DNAH11: variants seen among roughly 807,000 people sequenced by gnomAD.
DNAH11 encodes dynein axonemal heavy chain 11.
In DNAH11, 442 loss-of-function variants were observed where a neutral mutation model predicts 526.0. The ratio of observed to expected loss-of-function variants is 0.84; its 90% CI spans 0.78 to 0.91. The LOEUF (loss-of-function observed/expected upper bound fraction) is 0.91. Ranked by LOEUF, DNAH11 falls within the 40% of genes least tolerant of loss-of-function variation. The probability of loss-of-function intolerance (pLI) is 0.00; values close to 1 mark genes in which losing one functional copy is unlikely to be tolerated. For missense variants in DNAH11, 6,989 were observed against 5,448.7 expected (o/e 1.28, Z -8.90); for synonymous variants, 2,461 against 1,935.9 (o/e 1.27, Z -7.12).
At chr7:21,828,319 G>A (rs567732818) in intron 65 of DNAH11, among the ~76,000 whole-genome samples, 6 of 152,264 alleles carry the variant, frequency 3.9e-5, no homozygotes, top group African/African-American at 1.4e-4. Flanking sequence ...GGTAAGAATA[G>A]ATTTATTTTC....
chr7:21,589,108 T>C (rs1194779456), intron 11 of DNAH11, 100 bp from the exon 12 acceptor site: 4 of 888,072 alleles, frequency 4.5e-6, no homozygotes, highest in Admixed American at 3.8e-5. Context: ...CCTGGTTGTT[T>C]ATAGTGTATT....
At chr7:21,565,295 G>T (rs570375571) in intron 6 of DNAH11, among the ~76,000 whole-genome samples, 3 of 152,208 alleles carry the variant, frequency 2.0e-5, no homozygotes, top group African/African-American at 7.2e-5. Flanking sequence ...GTCGGATTAA[G>T]GCCCCATCTT....
rs139681226 is a variant in DNAH11 at position 21,829,987 on chromosome 7, G to A, written c.10691+11648G>A. Among the ~76,000 whole-genome samples the A allele has an allele frequency of 7.9e-5, 12 of 152,286 alleles. No individual in the cohort carries two copies. In the East Asian group the frequency reaches 1.9e-3, roughly 24 times the overall value. ...TATCTTCCAACAGTAACGACTTTCC[G>A]TGATTTGAAGAAGTTAGACGTCTTT... On this transcript the variant is annotated intron_variant, in intron 65 of 81. Transcript: ENST00000409508.
chr7:21,771,974 T>C (rs936951056), intron 55 of DNAH11, among the ~76,000 whole-genome samples: 12 of 152,346 alleles, frequency 7.9e-5, no homozygotes, highest in African/African-American at 2.9e-4. Context: ...CAGCTGTTAA[T>C]GTCAGGAAGT....
chr7:21,690,844 C>T lies in DNAH11; in HGVS notation c.6004C>T (p.Arg2002Ter), dbSNP rs373844629. 19 of 1,612,462 alleles carry T rather than the reference C, an allele frequency of 1.2e-5. No individual in the cohort carries two copies. Among genetic ancestry groups the T allele is most frequent in the Non-Finnish European group, 1.5e-5 (18 of 1,179,418 alleles). ...FITMNPGYAG[R>*]TELPENLKAL... Reference sequence around the variant, plus strand: ...TACTATGAACCCGGGTTATGCTGGTCGAACCGAATTACCGGAAAATCTCAA... The same window carrying T: ...TACTATGAACCCGGGTTATGCTGGTTGAACCGAATTACCGGAAAATCTCAA... The change falls in exon 35 of 82, where the codon CGA (arginine) becomes TGA (stop). Residue 2002 changes from arginine (R) to a stop codon, truncating the protein, a stop_gained. Coordinates refer to ENST00000409508, the MANE Select transcript of DNAH11 (RefSeq NM_001277115.2). LOFTEE classifies it high-confidence loss of function.
intron 52 of DNAH11, 86 bp downstream of exon 52, chr7:21,748,828 C>G: frequency 1.4e-6 from 2 of 1,407,024 alleles, no homozygotes; most frequent in Non-Finnish European, 1.9e-6. Context: ...TGGGCTGTGA[C>G]TCCCAGATTT....
rs1783436322 is a variant in DNAH11, at chr7:21,687,603, C to T, written c.5924+76C>T. Reference sequence around the variant, plus strand: ...ATGCAGGTAACCTCCCCTTCACTGTCTATTGCTACCTCTCCCTGTCTCATG... The same window carrying T: ...ATGCAGGTAACCTCCCCTTCACTGTTTATTGCTACCTCTCCCTGTCTCATG... On this transcript the variant is annotated intron_variant, in intron 34 of 81. Coordinates refer to ENST00000409508, the MANE Select transcript of DNAH11 (RefSeq NM_001277115.2). The T allele has an allele frequency of 2.7e-6, 4 of 1,478,586 alleles. No individual in the cohort carries two copies. In the South Asian group the frequency reaches 5.2e-5, roughly 19 times the overall value. 91.6% of individuals were successfully genotyped at this position (1,478,586 alleles called of 1,614,324 possible).
At chr7:21,760,636 A>G (rs139448519) in intron 54 of DNAH11, among the ~76,000 whole-genome samples, 3 of 152,308 alleles carry the variant, frequency 2.0e-5, no homozygotes, top group Non-Finnish European at 4.4e-5. Context: ...TGCTTCATAT[A>G]TCTTGAGCAC....
intron 56 of DNAH11, among the ~76,000 whole-genome samples, chr7:21,776,754 T>G (rs1469956194): frequency 6.6e-6 from 1 of 152,188 alleles, no homozygotes; most frequent in Non-Finnish European, 1.5e-5. Flanking sequence ...TCTTTTTGCT[T>G]TATTTCTATT....
At chr7:21,740,956 G>A (rs1237350529) in intron 48 of DNAH11, among the ~76,000 whole-genome samples, 4 of 152,088 alleles carry the variant, frequency 2.6e-5, no homozygotes, top group Admixed American at 2.0e-4. Context: ...TCATAGTTAT[G>A]ATTTGCATTT....
At chr7:21,728,000 C>T (rs1785206927) in intron 45 of DNAH11, among the ~76,000 whole-genome samples, 1 of 152,116 alleles carries the variant, frequency 6.6e-6, no homozygotes, top group African/African-American at 2.4e-5. Context: ...TCCTCTTCTC[C>T]TAAGGACACC....
chr7:21,559,022 A>G (rs753374413), intron 3 of DNAH11, 24 bp downstream of exon 3: 25 of 1,543,636 alleles, frequency 1.6e-5, no homozygotes, highest in South Asian at 6.1e-5. Context: ...CAATATATAC[A>G]GGATATTAAA....
At chr7:21,787,307 A>T in intron 59 of DNAH11, 94 bp from the exon 60 acceptor site, 1 of 1,300,170 alleles carries the variant, frequency 7.7e-7, no homozygotes, top group Non-Finnish European at 1.0e-6. Flanking sequence ...TTGCTTTTGT[A>T]ATGTGAGTCC....
chr7:21,612,383 G>A (rs1233924880), intron 20 of DNAH11, among the ~76,000 whole-genome samples: 4 of 151,684 alleles, frequency 2.6e-5, no homozygotes, highest in Non-Finnish European at 5.9e-5. Flanking sequence ...GTGAAACCCT[G>A]TCTCTACTAA....
chr7:21,871,815 G>A (rs1291385063), intron 73 of DNAH11, among the ~76,000 whole-genome samples: 1 of 85,338 alleles, frequency 1.2e-5, no homozygotes, highest in Non-Finnish European at 3.8e-5. Context: ...AAAGACATCA[G>A]TCATATTGGT....
intron 57 of DNAH11, among the ~76,000 whole-genome samples, chr7:21,781,098 C>T (rs754615079): frequency 7.9e-5 from 12 of 152,120 alleles, no homozygotes; most frequent in Non-Finnish European, 1.6e-4. Flanking sequence ...TCACATTTGT[C>T]ATATGTTCAG....
At chr7:21,793,762 C>A (rs914428939) in intron 61 of DNAH11, among the ~76,000 whole-genome samples, 1 of 152,146 alleles carries the variant, frequency 6.6e-6, no homozygotes, top group Non-Finnish European at 1.5e-5. Flanking sequence ...TGTTAGTGAG[C>A]GTAGGGTGTT....
chr7:21,690,752 C>A lies in DNAH11; in HGVS notation c.5925-13C>A. ...GAACACATTTAATTTCATCAACATT[C>A]TTTTTATGGTAGATTTGTATTTCTT... On this transcript the variant is annotated splice_polypyrimidine_tract_variant and intron_variant, in intron 34 of 81. Transcript: ENST00000409508. 1 of 1,579,496 alleles carries A rather than the reference C, an allele frequency of 6.3e-7. No individual in the cohort carries two copies. The highest frequency in any genetic ancestry group is 1.1e-5 in the South Asian group (1 of 87,838).
intron 40 of DNAH11, among the ~76,000 whole-genome samples, chr7:21,709,479 T>C (rs2128480632): frequency 6.6e-6 from 1 of 152,268 alleles, no homozygotes; most frequent in South Asian, 2.1e-4. Flanking sequence ...GTTACTATGC[T>C]TACTACCTGG....
Sources: gnomAD v4.1 joint callset for allele counts (sites outside exome capture counted in the v4.1 genomes callset) on GRCh38, gnomAD v4.1.1 for gene constraint, MANE v1.5 for transcripts, NCBI Gene and HGNC (gene_info 2026-07-23, HGNC 2026-07-21) for gene names.